Variants in ZFYVE9 observed in about 807,000 individuals in gnomAD.
The protein encoded by ZFYVE9 is zinc finger FYVE-type containing 9.
Under a neutral mutation model 126.7 loss-of-function variants are expected in ZFYVE9, and 43 were observed. That is an observed-to-expected ratio of 0.34 (90% CI 0.27 to 0.44). ZFYVE9 has a LOEUF of 0.44. Ranked by LOEUF, ZFYVE9 falls within the 20% of genes least tolerant of loss-of-function variation. The pLI, the probability that ZFYVE9 is intolerant of heterozygous loss-of-function variation, is 1.00. For missense variants in ZFYVE9, 1,476 were observed against 1,697.0 expected (o/e 0.87, Z 2.29); for synonymous variants, 521 against 597.4 (o/e 0.87, Z 1.87).
chr1:52,318,117 T>G (rs1646203491), intron 13 of ZFYVE9, among the ~76,000 whole-genome samples: 1 of 152,042 alleles, frequency 6.6e-6, no homozygotes, highest in Non-Finnish European at 1.5e-5. Context: ...ACATCATACC[T>G]CTCATGAAGT....
intron 9 of ZFYVE9, 98 bp from the exon 10 acceptor site, chr1:52,281,563 A>C (rs1014911715): frequency 7.4e-7 from 1 of 1,353,812 alleles, no homozygotes; most frequent in Non-Finnish European, 1.0e-6. Context: ...ATCTATTTTA[A>C]TCTTTGCTGT....
chr1:52,209,551 G>A (rs529122709), intron 1 of ZFYVE9, among the ~76,000 whole-genome samples: 9 of 152,038 alleles, frequency 5.9e-5, no homozygotes, highest in Non-Finnish European at 8.8e-5. Context: ...CTCTGTGGAC[G>A]TGCCTATTCT....
chr1:52,159,231 G>A (rs1315438038), intron 1 of ZFYVE9, among the ~76,000 whole-genome samples: 3 of 152,178 alleles, frequency 2.0e-5, no homozygotes, highest in African/African-American at 7.2e-5. Context: ...GGCCTGTCAT[G>A]CCTCACATAC....
rs558357640 is a variant in ZFYVE9 at position 52,162,345 on chromosome 1, C to T, written c.-143+19942C>T. 4.6e-4 allele frequency: 176 copies of T among 384,824 alleles called. 1 individual carries two copies. The highest frequency in any genetic ancestry group is 4.5e-3 in the South Asian group (172 of 38,100). The allele number at this position is 384,824 out of a possible 1,614,324, so 23.8% of individuals were successfully genotyped here. On this transcript the variant is annotated intron_variant, in intron 1 of 18. Coordinates refer to ENST00000287727, the MANE Select transcript of ZFYVE9 (RefSeq NM_004799.4). Reference sequence around the variant, plus strand: ...TAAGAATCTCGACGTCTGTGACCACCTCCACTGCCGCCTTTGCCACCACCT... The same window carrying T: ...TAAGAATCTCGACGTCTGTGACCACTTCCACTGCCGCCTTTGCCACCACCT...
chr1:52,283,549 A>G (rs761366111), intron 10 of ZFYVE9, among the ~76,000 whole-genome samples: 8 of 152,378 alleles, frequency 5.3e-5, no homozygotes, highest in Middle Eastern at 6.8e-3. Context: ...CTGCTGATGT[A>G]CACAACAACA....
chr1:52,235,179 C>T (rs184690245), intron 3 of ZFYVE9, among the ~76,000 whole-genome samples: 4 of 151,612 alleles, frequency 2.6e-5, no homozygotes, highest in African/African-American at 9.6e-5. Context: ...TTTGTTTGAA[C>T]TATTTTTTTG....
At chr1:52,334,052 C>CG (rs1646368175) in intron 14 of ZFYVE9, among the ~76,000 whole-genome samples, 2 of 150,640 alleles carry the variant, frequency 1.3e-5, no homozygotes, top group African/African-American at 4.9e-5. Context: ...GAGATAGCAC[C>CG]GCTGCACGTC....
chr1:52,296,021 A>G (rs201472396), intron 12 of ZFYVE9, 44 bp downstream of exon 12: 22 of 1,548,106 alleles, frequency 1.4e-5, no homozygotes, highest in Non-Finnish European at 1.9e-5. Flanking sequence ...TGGAGTTTAT[A>G]TGGGAGAAGG....
intron 1 of ZFYVE9, among the ~76,000 whole-genome samples, chr1:52,206,003 T>G (rs549770586): frequency 6.6e-6 from 1 of 152,306 alleles, no homozygotes; most frequent in South Asian, 2.1e-4. Flanking sequence ...AAGTTGAAAC[T>G]GATTTTGATG....
At position 52,206,221 on chromosome 1, in the gene ZFYVE9, G is replaced by A. The variant is rs1644976682; in HGVS notation, c.-142-10148G>A. ...CTGTAATTCATTCAACTTAGATCAG[G>A]AGCTCACACCAGGCTAATAAACTGG... On this transcript the variant is annotated intron_variant, in intron 1 of 18. Coordinates refer to ENST00000287727, the MANE Select transcript of ZFYVE9 (RefSeq NM_004799.4). 2.6e-5 allele frequency among the ~76,000 whole-genome samples: 4 copies of A among 152,102 alleles called. No individual in the cohort carries two copies. The South Asian group carries it at 8.3e-4, about 32-fold the overall frequency.
intron 12 of ZFYVE9, among the ~76,000 whole-genome samples, chr1:52,301,553 C>G (rs1322010811): frequency 6.6e-6 from 1 of 152,146 alleles, no homozygotes; most frequent in Non-Finnish European, 1.5e-5. Context: ...ATCCTTCCAC[C>G]TCAGCCTCCC....
rs199927507 is a variant in ZFYVE9 at position 52,214,900 on chromosome 1, TCCTC to T, written c.-142-1468_-142-1465del. Among the ~76,000 whole-genome samples, 1,478 of 152,280 alleles carry T rather than the reference TCCTC, an allele frequency of 9.7e-3. 20 individuals carry two copies. The highest frequency in any genetic ancestry group is 0.033 in the African/African-American group (1,377 of 41,544). ...TTCCTCAAGCCTTATTTTATTCACG[TCCTC>T]AATGGATTGGATCATGTCTGGTCAC... On this transcript the variant is annotated intron_variant, in intron 1 of 18. Transcript: ENST00000287727.
intron 1 of ZFYVE9, among the ~76,000 whole-genome samples, chr1:52,181,857 G>A (rs945045122): frequency 3.1e-4 from 47 of 150,550 alleles, no homozygotes; most frequent in Non-Finnish European, 5.9e-4. Flanking sequence ...CAGCCGCCCC[G>A]TCTGAGAAGC....
intron 10 of ZFYVE9, among the ~76,000 whole-genome samples, chr1:52,289,722 G>A (rs1645899197): frequency 6.6e-6 from 1 of 152,152 alleles, no homozygotes; most frequent in African/African-American, 2.4e-5. Flanking sequence ...AGTGTTACTT[G>A]TTTGTAGATG....
intron 1 of ZFYVE9, among the ~76,000 whole-genome samples, chr1:52,167,444 A>G (rs1644524259): frequency 6.6e-6 from 1 of 152,200 alleles, no homozygotes; most frequent in African/African-American, 2.4e-5. Flanking sequence ...GCACGTTGCC[A>G]TGAAGACCCA....
intron 8 of ZFYVE9, 122 bp downstream of exon 8, chr1:52,274,706 C>A: frequency 9.4e-7 from 1 of 1,065,222 alleles, no homozygotes; most frequent in Non-Finnish European, 1.3e-6. Context: ...AACAAACTCC[C>A]CCAAAACTAT....
At chr1:52,189,666 C>G (rs1043771503) in intron 1 of ZFYVE9, among the ~76,000 whole-genome samples, 5 of 138,390 alleles carry the variant, frequency 3.6e-5, no homozygotes, top group African/African-American at 1.3e-4. Context: ...AGCCACCGCA[C>G]TTGGCCTTAG....
chr1:52,262,701 A>G (rs988095415), intron 4 of ZFYVE9, among the ~76,000 whole-genome samples: 2 of 152,180 alleles, frequency 1.3e-5, no homozygotes, highest in Non-Finnish European at 2.9e-5. Flanking sequence ...AAAACTGAAG[A>G]AGTAGAATTT....
chr1:52,323,649 C>T (rs964552128), intron 13 of ZFYVE9, among the ~76,000 whole-genome samples: 2 of 152,192 alleles, frequency 1.3e-5, no homozygotes, highest in Non-Finnish European at 2.9e-5. Flanking sequence ...CACTTTGCCT[C>T]ATGCCTGTAA....
Sources: gnomAD v4.1 joint callset for allele counts (sites outside exome capture counted in the v4.1 genomes callset) on GRCh38, gnomAD v4.1.1 for gene constraint, MANE v1.5 for transcripts, NCBI Gene and HGNC (gene_info 2026-07-23, HGNC 2026-07-21) for gene names.